SRFBP1: variants seen among roughly 807,000 people sequenced by gnomAD.
SRFBP1 encodes the protein serum response factor binding protein 1.
SRFBP1 carries 47 observed loss-of-function variants against 45.5 expected under a neutral mutation model. That is an observed-to-expected ratio of 1.03 (90% CI 0.82 to 1.32). SRFBP1 has a LOEUF of 1.32. SRFBP1 is among the 40% of genes most tolerant of loss of function. The pLI is 0.00. For missense variants in SRFBP1, 621 were observed against 484.6 expected (o/e 1.28, Z -2.64); for synonymous variants, 203 against 166.3 (o/e 1.22, Z -1.70).
At chr5:122,026,863 G>T in intron 7 of SRFBP1, 79 bp from the exon 8 acceptor site, 9 of 1,009,494 alleles carry the variant, frequency 8.9e-6, no homozygotes, top group South Asian at 8.7e-5. Context: ...TTTAACATTG[G>T]TTTGAAAAAG....
chr5:122,047,847 G>C lies in SRFBP1; in HGVS notation n.311+25440G>C, dbSNP rs192639839. On this transcript the variant is annotated intron_variant and non_coding_transcript_variant, in intron 2 of 2. Transcript: ENST00000504881. ...GTTCACTCATGATTTGGCTCTGTTT[G>C]TCTGTTATTGGTGTATAAGAATGCT... is the stretch of plus-strand genomic sequence containing the variant. Among the ~76,000 whole-genome samples the C allele has an allele frequency of 2.5e-3, 383 of 152,194 alleles. 1 individual carries two copies. The highest frequency in any genetic ancestry group is 8.1e-3 in the African/African-American group (336 of 41,506).
intron 4 of SRFBP1, among the ~76,000 whole-genome samples, chr5:122,000,396 A>C (rs1206801882): frequency 2.0e-5 from 3 of 151,900 alleles, no homozygotes; most frequent in Non-Finnish European, 4.4e-5. Flanking sequence ...ATTGCTCTTT[A>C]TTTCCTTGTT....
At chr5:122,023,426 T>C (rs1275032626) in intron 7 of SRFBP1, among the ~76,000 whole-genome samples, 1 of 152,166 alleles carries the variant, frequency 6.6e-6, no homozygotes, top group Non-Finnish European at 1.5e-5. Context: ...TGGTGACCTT[T>C]GTACCAAAAA....
At chr5:122,013,373 A>C in intron 4 of SRFBP1, among the ~76,000 whole-genome samples, 1 of 152,132 alleles carries the variant, frequency 6.6e-6, no homozygotes, top group East Asian at 1.9e-4. Flanking sequence ...ATGTATATAC[A>C]CCATAAAATT....
downstream of SRFBP1, chr5:122,077,102 C>T: frequency 1.3e-6 from 2 of 1,525,060 alleles, no homozygotes; most frequent in East Asian, 2.3e-5. The surrounding 1 kb of genome is among the most constrained non-coding windows in gnomAD (Gnocchi z 4.9). Context: ...CCTTCGCCCA[C>T]CGGGACTGCA....
At chr5:121,991,470 T>G (rs1368086445) in intron 3 of SRFBP1, among the ~76,000 whole-genome samples, 1 of 152,088 alleles carries the variant, frequency 6.6e-6, no homozygotes, top group Admixed American at 6.6e-5. Flanking sequence ...TGCAGCAGAC[T>G]CTTAGGAGGA....
At chr5:122,032,931 TTTTA>T (rs1374677494), downstream of SRFBP1, among the ~76,000 whole-genome samples, 5 of 152,082 alleles carry the variant, frequency 3.3e-5, no homozygotes, top group Non-Finnish European at 7.4e-5. Flanking sequence ...TCTTTGTTTT[TTTTA>T]TTTGTTTTTT....
chr5:122,045,816 C>T (rs1753845864), intron 2 of SRFBP1, among the ~76,000 whole-genome samples: 1 of 152,196 alleles, frequency 6.6e-6, no homozygotes, highest in South Asian at 2.1e-4. Flanking sequence ...AATATTTTAA[C>T]TTTCTCTCTT....
At chr5:122,071,231 A>C (rs1754443221) in intron 2 of SRFBP1, among the ~76,000 whole-genome samples, 2 of 151,474 alleles carry the variant, frequency 1.3e-5, no homozygotes, top group African/African-American at 4.9e-5. Context: ...ATAAAAATTC[A>C]ATTTTCACAA....
At position 122,044,634 on chromosome 5, in the gene SRFBP1, G is replaced by C. The variant is rs139303465; in HGVS notation, n.311+22227G>C. On this transcript the variant is annotated intron_variant and non_coding_transcript_variant, in intron 2 of 2. Coordinates refer to the SRFBP1 transcript ENST00000504881. The stretch of plus-strand genomic sequence containing the variant: ...ATGTTGAGCATTTTTTCATATGCTT[G>C]TTGGCTGCATGTATGTCTTCTTTTG... Among the ~76,000 whole-genome samples the C allele has an allele frequency of 5.9e-5, 9 of 151,956 alleles. No homozygotes were observed. The East Asian group carries it at 1.7e-3, about 29-fold the overall frequency.
chr5:122,047,362 T>C (rs191271267), intron 2 of SRFBP1, among the ~76,000 whole-genome samples: 2 of 152,330 alleles, frequency 1.3e-5, no homozygotes, highest in Admixed American at 1.3e-4. Context: ...GTTGTAGATA[T>C]GTGGCATTAT....
rs914847090 is a variant in SRFBP1, at chr5:122,033,825, T to G, written n.311+11418T>G. ...AGATATTCTTTTATTTTCAGTTTTT[T>G]TTTTTTTTTTTTTTTTGAGACAGAG... On this transcript the variant is annotated intron_variant and non_coding_transcript_variant, in intron 2 of 2. Transcript: ENST00000504881. 5.8e-4 allele frequency among the ~76,000 whole-genome samples: 85 copies of G among 146,908 alleles called. 1 individual carries two copies. Among genetic ancestry groups the G allele is most frequent in the South Asian group, 1.8e-3 (8 of 4,522 alleles).
chr5:121,962,496 C>T (rs1751969364), intron 1 of SRFBP1, among the ~76,000 whole-genome samples: 1 of 152,212 alleles, frequency 6.6e-6, no homozygotes, highest in African/African-American at 2.4e-5. Context: ...AGAGCTGTAG[C>T]TTCTAAGAAA....
chr5:122,000,604 A>G (rs1378042436), intron 4 of SRFBP1, among the ~76,000 whole-genome samples: 1 of 152,030 alleles, frequency 6.6e-6, no homozygotes, highest in African/African-American at 2.4e-5. Flanking sequence ...TTTGTCATCT[A>G]GCTTCTTTAA....
At chr5:122,043,197 C>A (rs1336051979) in intron 2 of SRFBP1, among the ~76,000 whole-genome samples, 1 of 151,962 alleles carries the variant, frequency 6.6e-6, no homozygotes, top group Non-Finnish European at 1.5e-5. Flanking sequence ...AAATATCTGT[C>A]TCACTATTTT....
chr5:122,069,925 T>C (rs763014222), intron 2 of SRFBP1: 29 of 767,696 alleles, frequency 3.8e-5, no homozygotes, highest in Non-Finnish European at 6.0e-5. Context: ...GCATACCATT[T>C]TCTGCCTTTG....
chr5:122,071,570 CT>C (rs1262574117), intron 2 of SRFBP1, among the ~76,000 whole-genome samples: 2 of 152,152 alleles, frequency 1.3e-5, no homozygotes, highest in Admixed American at 1.3e-4. Flanking sequence ...ACAATCCTTG[CT>C]TTTAAGAATG....
At chr5:122,036,458 A>T (rs1004068124) in intron 2 of SRFBP1, among the ~76,000 whole-genome samples, 1 of 152,136 alleles carries the variant, frequency 6.6e-6, no homozygotes, top group African/African-American at 2.4e-5. Flanking sequence ...TGTCTTTGGG[A>T]CTGGCTCTTG....
chr5:122,068,591 C>A (rs1050335822), intron 2 of SRFBP1, among the ~76,000 whole-genome samples: 1 of 152,120 alleles, frequency 6.6e-6, no homozygotes, highest in Non-Finnish European at 1.5e-5. Flanking sequence ...AGGTGGCAGA[C>A]CTGTACCTGA....
Sources: allele counts gnomAD v4.1 joint callset (sites outside exome capture counted in the v4.1 genomes callset), GRCh38; gene constraint gnomAD v4.1.1; non-coding constraint Gnocchi (gnomAD v3.1); transcripts MANE v1.5; gene names NCBI Gene and HGNC (gene_info 2026-07-23, HGNC 2026-07-21).